EPB41L4B: variants seen among roughly 807,000 people sequenced by gnomAD.
The protein encoded by EPB41L4B is band 4.1-like protein 4B.
Under a neutral mutation model 112.5 loss-of-function variants are expected in EPB41L4B, and 30 were observed. The ratio of observed to expected loss-of-function variants is 0.27; its 90% CI spans 0.20 to 0.36. The LOEUF is 0.36. Among genes scored for constraint, EPB41L4B ranks in the 10% least tolerant of loss-of-function variants. The pLI, the probability that EPB41L4B is intolerant of heterozygous loss-of-function variation, is 1.00. For missense variants in EPB41L4B, 1,024 were observed against 1,133.3 expected (o/e 0.90, Z 1.38); for synonymous variants, 408 against 439.7 (o/e 0.93, Z 0.90).
intron 1 of EPB41L4B, among the ~76,000 whole-genome samples, chr9:109,298,806 G>C (rs184341891): frequency 3.3e-4 from 50 of 152,266 alleles, no homozygotes; most frequent in Non-Finnish European, 6.8e-4. Context: ...AGTTCAAGCA[G>C]AGCAAATTTA....
chr9:109,241,473 A>G, intron 15 of EPB41L4B: 1 of 1,368,782 alleles, frequency 7.3e-7, no homozygotes. Flanking sequence ...ATGAGAATGC[A>G]GTCAACAGTA....
At chr9:109,310,769 C>T (rs752540105) in intron 1 of EPB41L4B, among the ~76,000 whole-genome samples, 13 of 152,210 alleles carry the variant, frequency 8.5e-5, no homozygotes, top group Admixed American at 2.0e-4. Flanking sequence ...CGAGTTAAGA[C>T]GGTCCAGACC....
At chr9:109,179,530 T>C (rs78309973) in intron 24 of EPB41L4B, among the ~76,000 whole-genome samples, 13,459 of 152,252 alleles carry the variant, frequency 0.088, 946 homozygotes, top group African/African-American at 0.19. Flanking sequence ...GTCCACTCTC[T>C]TGAGTTACAG....
intron 19 of EPB41L4B, 112 bp downstream of exon 19, chr9:109,203,551 G>T: frequency 2.2e-6 from 2 of 896,896 alleles, no homozygotes; most frequent in South Asian, 1.7e-5. Flanking sequence ...CCTATTCTCT[G>T]TTTTATTTGT....
At chr9:109,179,395 T>C (rs1024999069) in intron 24 of EPB41L4B, among the ~76,000 whole-genome samples, 1 of 152,206 alleles carries the variant, frequency 6.6e-6, no homozygotes, top group Non-Finnish European at 1.5e-5. Flanking sequence ...AGTGTCATGA[T>C]CTTGGCAGGA....
At chr9:109,305,992 G>C (rs908479862) in intron 1 of EPB41L4B, among the ~76,000 whole-genome samples, 1 of 152,202 alleles carries the variant, frequency 6.6e-6, no homozygotes, top group Admixed American at 6.5e-5. Context: ...AGAAGTGAAG[G>C]GGACACTGGG....
At chr9:109,299,219 C>T (rs1470126) in intron 1 of EPB41L4B, among the ~76,000 whole-genome samples, 102,362 of 151,896 alleles carry the variant, frequency 0.67, 35,667 homozygotes, top group East Asian at 0.91. Flanking sequence ...TGATTACTTA[C>T]TTATTTATTT....
chr9:109,240,933 G>A, intron 15 of EPB41L4B: 2 of 985,400 alleles, frequency 2.0e-6, no homozygotes, highest in Non-Finnish European at 2.4e-6. Flanking sequence ...TGCAATTTAA[G>A]ATTAGTACGA....
At chr9:109,232,346 T>C (rs898923305) in intron 15 of EPB41L4B, among the ~76,000 whole-genome samples, 1 of 152,108 alleles carries the variant, frequency 6.6e-6, no homozygotes, top group Non-Finnish European at 1.5e-5. Flanking sequence ...TCTGTGTTCC[T>C]GTGCCTTTAT....
intron 1 of EPB41L4B, among the ~76,000 whole-genome samples, chr9:109,282,609 C>T (rs571022606): frequency 6.6e-6 from 1 of 152,246 alleles, no homozygotes; most frequent in South Asian, 2.1e-4. Context: ...ATAAGAACAC[C>T]CCATCACCTA....
chr9:109,262,990 AT>A, intron 6 of EPB41L4B, 59 bp downstream of exon 6: 1 of 1,198,092 alleles, frequency 8.3e-7, no homozygotes, highest in East Asian at 2.5e-5. Flanking sequence ...GTGGACACTC[AT>A]TTGTTGAAAT....
chr9:109,235,180 A>G (rs753665740), intron 15 of EPB41L4B, among the ~76,000 whole-genome samples: 41 of 152,148 alleles, frequency 2.7e-4, no homozygotes, highest in Admixed American at 9.2e-4. Flanking sequence ...GGACAGAAAT[A>G]TCATTTCTAT....
chr9:109,227,383 T>C (rs1418930238), intron 15 of EPB41L4B, among the ~76,000 whole-genome samples: 1 of 152,196 alleles, frequency 6.6e-6, no homozygotes, highest in Non-Finnish European at 1.5e-5. Flanking sequence ...AGTTCTGATT[T>C]AAAGCATTAC....
intron 23 of EPB41L4B, among the ~76,000 whole-genome samples, chr9:109,184,402 T>C (rs1832179938): frequency 6.6e-6 from 1 of 152,162 alleles, no homozygotes; most frequent in South Asian, 2.1e-4. Context: ...GTATTTTTAA[T>C]AGAGTTGGGG....
intron 2 of EPB41L4B, among the ~76,000 whole-genome samples, chr9:109,278,027 AC>A (rs1835901472): frequency 6.6e-6 from 1 of 152,154 alleles, no homozygotes; most frequent in Non-Finnish European, 1.5e-5. Context: ...TCCTGAGGCT[AC>A]CCAGAGGAAG....
chr9:109,251,591 C>CGA, intron 12 of EPB41L4B, 80 bp from the exon 13 acceptor site: 1 of 1,284,028 alleles, frequency 7.8e-7, no homozygotes, highest in Non-Finnish European at 1.1e-6. Context: ...AATGGCCATG[C>CGA]GAGACTTCTA....
chr9:109,174,370 G>A lies in EPB41L4B; in HGVS notation c.*184C>T. The A allele has an allele frequency of 1.6e-6, 1 of 606,102 alleles. No individual in the cohort carries two copies. Among genetic ancestry groups the A allele is most frequent in the African/African-American group, 1.8e-5 (1 of 54,322 alleles). 37.5% of individuals were successfully genotyped at this position (606,102 alleles called of 1,614,324 possible). A position where few individuals can be genotyped will look rare whatever the true frequency, so the allele number is the denominator to read the frequency against. ...CATAGAGTAATAGAAAAACTCTAAT[G>A]CTTAGGAGACATAAAATAACTTTTC... On this transcript the variant is annotated 3_prime_UTR_variant, in exon 26 of 26. Transcript: ENST00000374566.
intron 4 of EPB41L4B, 63 bp from the exon 5 acceptor site, chr9:109,265,087 C>A: frequency 7.2e-7 from 1 of 1,392,898 alleles, no homozygotes; most frequent in Non-Finnish European, 9.9e-7. Flanking sequence ...CAATCCCCAG[C>A]TTCCCACTGC....
chr9:109,255,994 T>A, intron 9 of EPB41L4B, 142 bp downstream of exon 9: 1 of 1,154,668 alleles, frequency 8.7e-7, no homozygotes, highest in Non-Finnish European at 1.2e-6. Flanking sequence ...TCAGCGCAAC[T>A]GCCACAGACC....
Sources: gnomAD v4.1 joint callset for allele counts (sites outside exome capture counted in the v4.1 genomes callset) on GRCh38, gnomAD v4.1.1 for gene constraint, MANE v1.5 for transcripts, NCBI Gene and HGNC (gene_info 2026-07-23, HGNC 2026-07-21) for gene names.